NCOA6: variants seen among roughly 807,000 people sequenced by gnomAD.
The protein encoded by NCOA6 is NRC RAP250.
Under a neutral mutation model 171.4 loss-of-function variants are expected in NCOA6, and 49 were observed. The ratio of observed to expected loss-of-function variants is 0.29; its 90% confidence interval spans 0.23 to 0.36. The LOEUF (loss-of-function observed/expected upper bound fraction) is 0.36, where lower values mean the gene tolerates loss of function less well. Among genes scored for constraint, NCOA6 ranks in the 10% least tolerant of loss-of-function variants. The pLI, the probability that NCOA6 is intolerant of heterozygous loss-of-function variation, is 1.00. For missense variants in NCOA6, 2,248 were observed against 2,554.5 expected (o/e 0.88, Z 2.59); for synonymous variants, 910 against 927.5 (o/e 0.98, Z 0.34).
chr20:34,774,956 G>C (rs2077261893), intron 4 of NCOA6, among the ~76,000 whole-genome samples: 1 of 152,218 alleles, frequency 6.6e-6, no homozygotes, highest in South Asian at 2.1e-4. Context: ...AGAGCACATA[G>C]CAAAGGACTC....
Position 34,742,158 on chromosome 20 carries a change from C to A in NCOA6, c.4098G>T (p.Gln1366His). The change falls in exon 11 of 15, where the codon CAG becomes CAT. Residue 1366 changes from glutamine to histidine, a missense_variant. By Grantham distance (24) the Gln-to-His change is conservative. This residue lies in a region of NCOA6 where 884 missense variants were observed against 941.9 expected (regional missense o/e 0.94). Coordinates refer to ENST00000359003, the MANE Select transcript of NCOA6 (RefSeq NM_014071.5). Reference sequence around the variant, plus strand: ...ATACATTTCTCGGCAACTCCACATTCTGCAATAGGGCTGCATTTGTCTGAG... The same window carrying A: ...ATACATTTCTCGGCAACTCCACATTATGCAATAGGGCTGCATTTGTCTGAG... The part of the protein sequence containing the change: ...LASQTNAALL[Q>H]NVELPRNVLV... 1 of 1,614,226 alleles carries A rather than the reference C, an allele frequency of 6.2e-7. No individual in the cohort carries two copies. The highest frequency in any genetic ancestry group is 8.5e-7 in the Non-Finnish European group (1 of 1,180,044).
At chr20:34,755,130 C>T (rs1253631931) in intron 7 of NCOA6, among the ~76,000 whole-genome samples, 1 of 152,182 alleles carries the variant, frequency 6.6e-6, no homozygotes, top group African/African-American at 2.4e-5. Context: ...TGGCAATCTG[C>T]TCCCTAAATG....
intron 14 of NCOA6, among the ~76,000 whole-genome samples, chr20:34,722,256 C>CTA (rs1395579626): frequency 6.6e-6 from 1 of 151,502 alleles, no homozygotes; most frequent in Non-Finnish European, 1.5e-5. Flanking sequence ...TGGTACGCGC[C>CTA]TGTAATCCCA....
intron 9 of NCOA6, among the ~76,000 whole-genome samples, chr20:34,748,429 T>C (rs1362723332): frequency 6.6e-6 from 1 of 152,246 alleles, no homozygotes; most frequent in Non-Finnish European, 1.5e-5. Context: ...GTTGGTTTAA[T>C]TTTGAATATT....
Position 34,772,056 on chromosome 20 carries a change from G to C in NCOA6, c.392-3470C>G, listed in dbSNP as rs565177846. Among the ~76,000 whole-genome samples, 4 of 152,276 alleles carry C rather than the reference G, an allele frequency of 2.6e-5. No individual in the cohort carries two copies. The South Asian group carries it at 8.3e-4, about 32-fold the overall frequency. ...TGTCCTAATTTAGGCTAGGCATGGT[G>C]ACTCACATTTGTTAATCCCAGCACT... On this transcript the variant is annotated intron_variant, in intron 4 of 14. Coordinates refer to ENST00000359003, the MANE Select transcript of NCOA6 (RefSeq NM_014071.5).
chr20:34,729,473 GA>G (rs1372914613), intron 13 of NCOA6, among the ~76,000 whole-genome samples: 13 of 151,566 alleles, frequency 8.6e-5, no homozygotes, highest in South Asian at 6.2e-4. Context: ...AAAATGATCA[GA>G]AAAAAAATTC....
intron 1 of NCOA6, among the ~76,000 whole-genome samples, chr20:34,815,953 C>A (rs2078821181): frequency 6.6e-6 from 1 of 152,144 alleles, no homozygotes; most frequent in African/African-American, 2.4e-5. Flanking sequence ...TTTCAAAATT[C>A]CGCAGTGCCA....
chr20:34,762,877 G>A (rs571234968), intron 5 of NCOA6, among the ~76,000 whole-genome samples: 5 of 152,200 alleles, frequency 3.3e-5, no homozygotes, highest in Middle Eastern at 3.4e-3. Flanking sequence ...ACTCTTGATA[G>A]TATAGCTATG....
rs751802294 is a variant in NCOA6, at chr20:34,776,876, C to T, written c.236-428G>A. ...GCTCATGCCTATAATCCCAGCACTT[C>T]GGGAGGCCGAGGCAGGTGGATCACG... is the stretch of plus-strand genomic sequence containing the variant. On this transcript the variant is annotated intron_variant, in intron 3 of 14. Coordinates refer to ENST00000359003, the MANE Select transcript of NCOA6 (RefSeq NM_014071.5). 50 of 412,336 alleles carry T rather than the reference C, an allele frequency of 1.2e-4. 1 individual carries two copies. The highest frequency in any genetic ancestry group is 6.8e-4 in the Admixed American group (21 of 31,038). 25.5% of individuals were successfully genotyped at this position (412,336 alleles called of 1,614,324 possible). A position where few individuals can be genotyped will look rare whatever the true frequency, so the allele number is the denominator to read the frequency against.
At position 34,740,970 on chromosome 20, in the gene NCOA6, T is replaced by C. The variant is rs758578211; in HGVS notation, c.5286A>G (p.Gln1762=). Residue 1762 remains glutamine, a synonymous_variant, in exon 11 of 15, where the codon CAA becomes CAG. Coordinates refer to ENST00000359003, the MANE Select transcript of NCOA6 (RefSeq NM_014071.5). The part of the protein sequence containing the change: ...PVVPSHPPVQ[Q]VKELNPDEAS... Reference sequence around the variant, plus strand: ...CCTCATCTGGATTCAATTCTTTCACTTGCTGCACAGGGGGATGAGAAGGGA... The same window carrying C: ...CCTCATCTGGATTCAATTCTTTCACCTGCTGCACAGGGGGATGAGAAGGGA... 1.9e-6 allele frequency: 3 copies of C among 1,614,134 alleles called. No individual in the cohort carries two copies. Among genetic ancestry groups the C allele is most frequent in the South Asian group, 2.2e-5 (2 of 91,076 alleles).
chr20:34,788,591 A>C (rs995281273), intron 2 of NCOA6, among the ~76,000 whole-genome samples: 1 of 152,300 alleles, frequency 6.6e-6, no homozygotes, highest in East Asian at 1.9e-4. Flanking sequence ...CTGGTGTTCA[A>C]GCCCTGCCTC....
chr20:34,789,707 G>A (rs1388662360), intron 2 of NCOA6, among the ~76,000 whole-genome samples: 1 of 152,152 alleles, frequency 6.6e-6, no homozygotes, highest in Non-Finnish European at 1.5e-5. Flanking sequence ...TGAGGGGAGT[G>A]AGGGGAAGGG....
rs2077042223 is a variant in NCOA6, at chr20:34,768,375, AC to A, written c.514+88del. 4.0e-6 allele frequency: 6 copies of A among 1,507,876 alleles called. No individual in the cohort carries two copies. In the East Asian group the frequency reaches 1.1e-4, roughly 29 times the overall value. The allele number at this position is 1,507,876 out of a possible 1,614,324, so 93.4% of individuals were successfully genotyped here. On this transcript the variant is annotated intron_variant, in intron 5 of 14. Coordinates refer to ENST00000359003, the MANE Select transcript of NCOA6 (RefSeq NM_014071.5). Reference sequence around the variant, plus strand: ...AATAGAGATGTTAAGTATGCCATGAACCCCCACCTATCTTGCAGGGCTCAAA... The same window carrying A: ...AATAGAGATGTTAAGTATGCCATGAACCCCACCTATCTTGCAGGGCTCAAA...
intron 2 of NCOA6, among the ~76,000 whole-genome samples, chr20:34,791,233 T>C (rs999159655): frequency 6.6e-6 from 1 of 152,232 alleles, no homozygotes; most frequent in African/African-American, 2.4e-5. Context: ...GCCCACTCCA[T>C]ACAGAAAGTA....
At chr20:34,791,124 A>G (rs928045276) in intron 2 of NCOA6, among the ~76,000 whole-genome samples, 2 of 152,292 alleles carry the variant, frequency 1.3e-5, no homozygotes, top group Non-Finnish European at 2.9e-5. Flanking sequence ...TTGTAGTACA[A>G]TGTGAATCTA....
chr20:34,738,874 C>A, intron 11 of NCOA6: 1 of 456,056 alleles, frequency 2.2e-6, no homozygotes, highest in South Asian at 1.5e-5. Context: ...AGTTTGTGTT[C>A]TTTCTGCCTC....
chr20:34,781,057 C>T (rs1243525264), intron 3 of NCOA6, among the ~76,000 whole-genome samples: 3 of 151,976 alleles, frequency 2.0e-5, no homozygotes, highest in African/African-American at 7.3e-5. Flanking sequence ...AATTTCAGGC[C>T]CAGCAAGACC....
rs1351671676 is a variant in NCOA6 at position 34,776,295 on chromosome 20, T to C, written c.389A>G (p.Glu130Gly). Residue 130 changes from glutamate to glycine, a missense_variant and splice_region_variant, in exon 4 of 15, where the codon GAA (glutamate) becomes GGA (glycine). Transcript: ENST00000359003. The part of the protein sequence containing the change: ...RDLGILSVQI[E>G]GEGAINLALA... Reference sequence around the variant, plus strand: ...GGGCACATGGCAAAGTAAAAGACCTTCAATCTGAACGGAGAGAATCCCTAA... The same window carrying C: ...GGGCACATGGCAAAGTAAAAGACCTCCAATCTGAACGGAGAGAATCCCTAA... The C allele has an allele frequency of 6.2e-7, 1 of 1,613,326 alleles. No individual in the cohort carries two copies. Among genetic ancestry groups the C allele is most frequent in the South Asian group, 1.1e-5 (1 of 90,956 alleles).
At chr20:34,789,364 AAC>A (rs2146297513) in intron 2 of NCOA6, among the ~76,000 whole-genome samples, 1 of 152,378 alleles carries the variant, frequency 6.6e-6, no homozygotes, top group East Asian at 1.9e-4. Flanking sequence ...GAGGAAATCC[AAC>A]AGTTTTTCTG....
Sources: allele counts gnomAD v4.1 joint callset (sites outside exome capture counted in the v4.1 genomes callset), GRCh38; gene constraint gnomAD v4.1.1; regional missense constraint gnomAD v4.1.1; transcripts MANE v1.5; gene names NCBI Gene and HGNC (gene_info 2026-07-23, HGNC 2026-07-21).